The following DNAJA3 variants were observed in gnomAD, a reference collection of about 807,000 sequenced individuals.
DNAJA3 encodes the protein DnaJ heat shock protein family (Hsp40) member A3, also known as dnaJ homolog subfamily A member 3, mitochondrial.
Under a neutral mutation model 54.9 loss-of-function variants are expected in DNAJA3, and 29 were observed. The ratio of observed to expected loss-of-function variants is 0.53; its 90% CI spans 0.39 to 0.72. DNAJA3 has a LOEUF of 0.72. DNAJA3 is among the 30% of genes least tolerant of loss of function. The pLI, the probability that DNAJA3 is intolerant of heterozygous loss-of-function variation, is 0.00. For synonymous variants in DNAJA3, 302 were observed against 251.4 expected (o/e 1.20, Z -1.90); for missense variants, 708 against 639.4 (o/e 1.11, Z -1.16).
chr16:4,450,346 C>CT, intron 9 of DNAJA3, 54 bp from the exon 10 acceptor site: 1 of 1,485,612 alleles, frequency 6.7e-7, no homozygotes, highest in East Asian at 2.4e-5. Flanking sequence ...CCTGTGAGTT[C>CT]TTTCCAAAGC....
At chr16:4,434,773 A>C (rs1418844989) in intron 2 of DNAJA3, among the ~76,000 whole-genome samples, 3 of 152,076 alleles carry the variant, frequency 2.0e-5, no homozygotes. Context: ...TGTTTTCATA[A>C]TTAAATTTAA....
intron 10 of DNAJA3, 84 bp downstream of exon 10, chr16:4,450,581 G>GT: frequency 9.2e-7 from 1 of 1,084,850 alleles, no homozygotes; most frequent in South Asian, 1.6e-5. Context: ...GCATGTTGGG[G>GT]TTTCCACTTC....
At chr16:4,435,455 G>T (rs556708228) in intron 2 of DNAJA3, among the ~76,000 whole-genome samples, 2 of 152,288 alleles carry the variant, frequency 1.3e-5, no homozygotes, top group African/African-American at 4.8e-5. Flanking sequence ...ACCTCGAAAA[G>T]AAACTCTGTA....
At chr16:4,440,409 T>G (rs1262453461) in intron 3 of DNAJA3, 1 of 151,230 alleles carries the variant, frequency 6.6e-6, no homozygotes, top group East Asian at 2.0e-4. Flanking sequence ...GCAAACGTGG[T>G]GAAACCCTGT....
intron 1 of DNAJA3, chr16:4,430,860 A>G (rs1163451663): frequency 6.6e-6 from 1 of 152,130 alleles, no homozygotes; most frequent in Admixed American, 6.6e-5. Context: ...CCTGGCCAAC[A>G]TGGTGAAACT....
rs567626550 is a variant in DNAJA3, at chr16:4,444,623, C to T, written c.932-41C>T. The T allele has an allele frequency of 1.8e-4, 285 of 1,582,524 alleles. 4 individuals carry two copies. The South Asian group carries it at 2.9e-3, about 16-fold the overall frequency. ...TGCTGGGATTACAGGCGTGAGCCAC[C>T]GCGTCCTGCCTAACTTCTCCCTTTC... On this transcript the variant is annotated intron_variant, in intron 6 of 11. Transcript: ENST00000262375.
intron 5 of DNAJA3, 129 bp from the exon 6 acceptor site, chr16:4,442,888 T>C: frequency 9.9e-7 from 1 of 1,007,366 alleles, no homozygotes; most frequent in Non-Finnish European, 1.5e-6. Context: ...TCCTAGGCAG[T>C]GTGTTTGAGT....
intron 3 of DNAJA3, among the ~76,000 whole-genome samples, chr16:4,438,180 G>A (rs547465531): frequency 6.6e-6 from 1 of 152,238 alleles, no homozygotes; most frequent in East Asian, 1.9e-4. Context: ...AGCCGGGCAT[G>A]GCGGCATGCG....
intron 2 of DNAJA3, among the ~76,000 whole-genome samples, chr16:4,435,092 G>A (rs2056757789): frequency 6.6e-6 from 1 of 151,826 alleles, no homozygotes; most frequent in South Asian, 2.1e-4. Flanking sequence ...TAGAGACGCG[G>A]TTTCACTTTG....
chr16:4,430,559 C>G (rs1369003872), intron 1 of DNAJA3: 2 of 145,916 alleles, frequency 1.4e-5, no homozygotes, highest in African/African-American at 2.6e-5. Context: ...GCCAAACTCC[C>G]TGTCAAAAAA....
chr16:4,442,608 A>G (rs2056850081), intron 5 of DNAJA3, 188 bp downstream of exon 5: 1 of 639,320 alleles, frequency 1.6e-6, no homozygotes, highest in East Asian at 3.1e-5. Context: ...CCACAGGCTC[A>G]GCAACCAGAG....
At position 4,446,972 on chromosome 16, in the gene DNAJA3, T is replaced by A. The variant is rs2304633; in HGVS notation, c.1083T>A (p.Gly361=). ...CTATAGCTCAGGCTCTTCTTGGGGG[T>A]ACAGCCAGAGCCCAGGGCCTGTACG... ...FISIAQALLG[G]TARAQGLYET... is the part of the protein sequence containing the mutation. Residue 361 remains glycine, a synonymous_variant, in exon 8 of 12, where the codon GGT becomes GGA. Transcript: ENST00000262375. 0.69 allele frequency: 1,115,531 copies of A among 1,613,772 alleles called. 387,483 individuals carry two copies. Among genetic ancestry groups the A allele is most frequent in the Non-Finnish European group, 0.71 (838,750 of 1,179,922 alleles).
chr16:4,430,071 G>C (rs1434978437), intron 1 of DNAJA3, among the ~76,000 whole-genome samples: 1 of 151,874 alleles, frequency 6.6e-6, no homozygotes, highest in Non-Finnish European at 1.5e-5. Context: ...CTACTCAGGA[G>C]GTTGAGGTGG....
intron 2 of DNAJA3, among the ~76,000 whole-genome samples, chr16:4,435,212 G>T (rs2056759474): frequency 6.6e-6 from 1 of 151,872 alleles, no homozygotes; most frequent in African/African-American, 2.4e-5. Context: ...TTCTTAACCT[G>T]GAAAATGTGA....
intron 5 of DNAJA3, 35 bp from the exon 6 acceptor site, chr16:4,442,982 C>T (rs766352898): frequency 6.2e-6 from 10 of 1,603,394 alleles, no homozygotes; most frequent in Admixed American, 1.7e-5. Context: ...AGTTTACCTG[C>T]GTACTTAGGT....
chr16:4,451,418 C>A (rs947270639), intron 10 of DNAJA3, among the ~76,000 whole-genome samples: 6 of 151,896 alleles, frequency 4.0e-5, no homozygotes, highest in Admixed American at 1.3e-4. Context: ...CCTGGAATTT[C>A]ACTGAGCTCC....
intron 6 of DNAJA3, among the ~76,000 whole-genome samples, chr16:4,443,678 C>G (rs1450123478): frequency 7.5e-6 from 1 of 133,020 alleles, no homozygotes; most frequent in East Asian, 2.4e-4. Context: ...TCACACCCTC[C>G]TCCCTGTTCT....
intron 1 of DNAJA3, chr16:4,433,441 G>A (rs1459027389): frequency 6.6e-6 from 1 of 152,174 alleles, no homozygotes; most frequent in East Asian, 1.9e-4. Flanking sequence ...GGGGACATTT[G>A]GCAATGCCTG....
intron 7 of DNAJA3, among the ~76,000 whole-genome samples, chr16:4,445,693 A>G (rs2056894284): frequency 6.6e-6 from 1 of 152,128 alleles, no homozygotes; most frequent in Non-Finnish European, 1.5e-5. Flanking sequence ...CTGGGACTAC[A>G]GGCACACGCC....
Sources: gnomAD v4.1 joint callset for allele counts (sites outside exome capture counted in the v4.1 genomes callset) on GRCh38, gnomAD v4.1.1 for gene constraint, MANE v1.5 for transcripts, NCBI Gene and HGNC (gene_info 2026-07-23, HGNC 2026-07-21) for gene names.